ANO6: variants seen among roughly 807,000 people sequenced by gnomAD.
ANO6 encodes the protein anoctamin 6.
ANO6 carries 106 observed loss-of-function variants against 117.5 expected under a neutral mutation model. That is an observed-to-expected ratio of 0.90 (90% CI 0.77 to 1.06). ANO6 has a LOEUF of 1.06. Ranked by LOEUF, ANO6 falls within the 50% of genes least tolerant of loss-of-function variation. The probability of loss-of-function intolerance (pLI) is 0.00; values close to 1 mark genes in which losing one functional copy is unlikely to be tolerated. For missense variants in ANO6, 955 were observed against 1,121.1 expected (o/e 0.85, Z 2.12); for synonymous variants, 367 against 385.1 (o/e 0.95, Z 0.55).
intron 1 of ANO6, among the ~76,000 whole-genome samples, chr12:45,272,539 A>C (rs1167519730): frequency 6.6e-6 from 1 of 152,162 alleles, no homozygotes; most frequent in East Asian, 1.9e-4. Context: ...ATGTCATAAG[A>C]AGAGAGAATT....
chr12:45,398,687 G>A (rs775145373), intron 12 of ANO6, among the ~76,000 whole-genome samples: 6 of 151,922 alleles, frequency 3.9e-5, no homozygotes, highest in South Asian at 4.2e-4. Context: ...AATGTTGTGC[G>A]GCGATGAGAA....
intron 1 of ANO6, among the ~76,000 whole-genome samples, chr12:45,246,337 C>A (rs941877350): frequency 2.6e-5 from 4 of 152,242 alleles, no homozygotes; most frequent in Non-Finnish European, 5.9e-5. Flanking sequence ...TTTTCTTGCA[C>A]TTCCCAGTGT....
chr12:45,384,697 A>G (rs1477265046), intron 10 of ANO6, among the ~76,000 whole-genome samples: 2 of 152,198 alleles, frequency 1.3e-5, no homozygotes, highest in African/African-American at 2.4e-5. Flanking sequence ...AACAATTACA[A>G]TAGTAACATC....
At chr12:45,255,766 G>A (rs1478355366) in intron 1 of ANO6, among the ~76,000 whole-genome samples, 1 of 150,424 alleles carries the variant, frequency 6.6e-6, no homozygotes, top group Non-Finnish European at 1.5e-5. Context: ...AGCTCCTCCT[G>A]GATGGATCAT....
At chr12:45,235,883 C>T (rs1396892100) in intron 1 of ANO6, among the ~76,000 whole-genome samples, 2 of 152,022 alleles carry the variant, frequency 1.3e-5, no homozygotes, top group Non-Finnish European at 2.9e-5. Context: ...CTTCCTCCAG[C>T]TGTGAGCTGG....
At chr12:45,393,328 A>G (rs1942509587) in intron 12 of ANO6, among the ~76,000 whole-genome samples, 1 of 152,236 alleles carries the variant, frequency 6.6e-6, no homozygotes, top group Admixed American at 6.5e-5. Context: ...AAAGCCTCCA[A>G]GAAATATGGG....
intron 1 of ANO6, chr12:45,256,456 A>C (rs1937831903): frequency 6.6e-6 from 1 of 152,212 alleles, no homozygotes; most frequent in South Asian, 2.1e-4. Context: ...AATCATTACA[A>C]AATCTTATTA....
At chr12:45,307,137 G>A (rs1293206975) in intron 2 of ANO6, among the ~76,000 whole-genome samples, 1 of 152,124 alleles carries the variant, frequency 6.6e-6, no homozygotes, top group African/African-American at 2.4e-5. Flanking sequence ...TCATTTGAGG[G>A]TGAGCCTTTG....
intron 19 of ANO6, among the ~76,000 whole-genome samples, chr12:45,424,355 T>A (rs33984115): frequency 7.7e-5 from 10 of 129,126 alleles, no homozygotes; most frequent in Non-Finnish European, 1.6e-4. Context: ...TTTTTTTTTT[T>A]AAAGACAGAG....
At chr12:45,237,495 T>G (rs1947664239) in intron 1 of ANO6, among the ~76,000 whole-genome samples, 1 of 152,242 alleles carries the variant, frequency 6.6e-6, no homozygotes, top group Non-Finnish European at 1.5e-5. Context: ...TTTCCCCATT[T>G]CTTGTTTTTG....
chr12:45,368,417 T>G (rs1177343280), intron 9 of ANO6, among the ~76,000 whole-genome samples: 12 of 152,250 alleles, frequency 7.9e-5, no homozygotes, highest in Admixed American at 7.9e-4. Context: ...AAGACCCTGA[T>G]GGTCAGATTT....
At chr12:45,390,550 A>G (rs777313195) in intron 12 of ANO6, 52 bp downstream of exon 12, 53 of 1,501,542 alleles carry the variant, frequency 3.5e-5, no homozygotes, top group Non-Finnish European at 4.6e-5. Flanking sequence ...TTTATTATGT[A>G]ACAGATTTTT....
intron 1 of ANO6, among the ~76,000 whole-genome samples, chr12:45,231,732 G>A (rs1258136355): frequency 6.6e-6 from 1 of 152,080 alleles, no homozygotes; most frequent in Non-Finnish European, 1.5e-5. Context: ...TGACCACTGG[G>A]TACATGCTTC....
intron 19 of ANO6, chr12:45,439,629 CAA>C: frequency 8.2e-7 from 1 of 1,220,350 alleles, no homozygotes; most frequent in Non-Finnish European, 1.1e-6. Context: ...CCAGAGTATT[CAA>C]GATATGATTT....
intron 7 of ANO6, among the ~76,000 whole-genome samples, chr12:45,356,109 T>C (rs189166959): frequency 6.6e-6 from 1 of 152,320 alleles, no homozygotes; most frequent in Admixed American, 6.5e-5. Flanking sequence ...TGGCACTGCT[T>C]CTTGGTCAGC....
chr12:45,371,012 G>A (rs541105970), intron 9 of ANO6, among the ~76,000 whole-genome samples: 24 of 152,234 alleles, frequency 1.6e-4, no homozygotes, highest in African/African-American at 3.6e-4. Flanking sequence ...CGCACCGTGC[G>A]CGAGCCGAAG....
rs905433103 is a variant in ANO6, at chr12:45,371,512, C to G, written c.1104+3719C>G. Among the ~76,000 whole-genome samples the G allele has an allele frequency of 2.6e-5, 4 of 151,310 alleles. No homozygotes were observed. The East Asian group carries it at 8.0e-4, about 30-fold the overall frequency. ...GTTCTCCCAGCACGCAGCTGGAGAT[C>G]TGAGAACAGGCAGACTGCCTCCTCA... On this transcript the variant is annotated intron_variant, in intron 9 of 19. Coordinates refer to ENST00000320560, the MANE Select transcript of ANO6 (RefSeq NM_001025356.3).
chr12:45,357,352 T>C lies in ANO6; in HGVS notation c.926T>C (p.Leu309Pro), dbSNP rs1430769095. 2 of 1,613,950 alleles carry C rather than the reference T, an allele frequency of 1.2e-6. No homozygotes were observed. The highest frequency in any genetic ancestry group is 1.1e-5 in the South Asian group (1 of 91,074). ...FAWLGYYTQM[L>P]LLAAVVGVAC... Reference sequence around the variant, plus strand: ...TGGCTGGGCTATTACACTCAGATGCTTCTCCTGGCCGCAGTTGTAGGAGTG... The same window carrying C: ...TGGCTGGGCTATTACACTCAGATGCCTCTCCTGGCCGCAGTTGTAGGAGTG... The change falls in exon 8 of 20, where the codon CTT becomes CCT. Residue 309 changes from leucine (L) to proline (P), a missense_variant. Physicochemically the swap from Leu to Pro is moderately conservative, Grantham distance 98. Transcript: ENST00000320560.
chr12:45,396,015 TA>T (rs1208675143), intron 12 of ANO6, among the ~76,000 whole-genome samples: 1 of 152,086 alleles, frequency 6.6e-6, no homozygotes, highest in Non-Finnish European at 1.5e-5. Context: ...GAGAAAGAAA[TA>T]AAGGGTATTC....
Sources: allele counts gnomAD v4.1 joint callset (sites outside exome capture counted in the v4.1 genomes callset), GRCh38; gene constraint gnomAD v4.1.1; transcripts MANE v1.5; gene names NCBI Gene and HGNC (gene_info 2026-07-23, HGNC 2026-07-21).